B3GALT5: variants seen among roughly 807,000 people sequenced by gnomAD.
B3GALT5 encodes beta-1,3-galactosyltransferase 5.
For synonymous variants in B3GALT5, 156 were observed against 158.6 expected, an observed-to-expected ratio of 0.98 and a Z score of 0.12; for missense variants, 328 against 396.6, an observed-to-expected ratio of 0.83 and a Z score of 1.47.
At chr21:39,624,728 T>A (rs2079154845) in intron 1 of B3GALT5, among the ~76,000 whole-genome samples, 1 of 152,142 alleles carries the variant, frequency 6.6e-6, no homozygotes, top group South Asian at 2.1e-4. Flanking sequence ...TGAATTTGGA[T>A]TTTTCAGAAT....
chr21:39,656,915 G>T (rs2079450756), intron 2 of B3GALT5, among the ~76,000 whole-genome samples: 1 of 152,184 alleles, frequency 6.6e-6, no homozygotes, highest in Non-Finnish European at 1.5e-5. Context: ...ACAGTTCTCT[G>T]GGGTTTCAGG....
At chr21:39,656,144 A>C (rs959361026) in intron 2 of B3GALT5, among the ~76,000 whole-genome samples, 5 of 152,148 alleles carry the variant, frequency 3.3e-5, no homozygotes, top group Non-Finnish European at 7.3e-5. Context: ...CCTGGGTTTT[A>C]AACAAGCCTC....
intron 2 of B3GALT5, chr21:39,657,676 TCTATCTGTCTACCTAC>T: frequency 5.2e-6 from 2 of 386,926 alleles, no homozygotes; most frequent in Admixed American, 9.0e-5. Context: ...TGTCTATCTA[TCTATCTGTCTACCTAC>T]CGACTTACCT....
intron 1 of B3GALT5, among the ~76,000 whole-genome samples, chr21:39,617,250 C>T (rs888264495): frequency 6.6e-6 from 1 of 152,212 alleles, no homozygotes; most frequent in Non-Finnish European, 1.5e-5. Context: ...CCTACTGAAG[C>T]TCTTTTTGAT....
chr21:39,649,484 G>A (rs1028254903), intron 2 of B3GALT5, among the ~76,000 whole-genome samples: 2 of 152,246 alleles, frequency 1.3e-5, no homozygotes, highest in African/African-American at 2.4e-5. Flanking sequence ...AAAAGCCAGA[G>A]CTGGAGGTAG....
chr21:39,634,497 A>G (rs1425641471), intron 1 of B3GALT5, among the ~76,000 whole-genome samples: 2 of 151,450 alleles, frequency 1.3e-5, no homozygotes, highest in East Asian at 3.9e-4. Context: ...ACTCTGCCCA[A>G]TTCTTCCTTC....
rs2079608312 is a variant in B3GALT5 at position 39,669,471 on chromosome 21, G to A, written c.*7979G>A. On this transcript the variant is annotated 3_prime_UTR_variant, in exon 4 of 4. Coordinates refer to ENST00000684187, the MANE Select transcript of B3GALT5 (RefSeq NM_001356336.2). ...ACCGGGCATCCTGAATGAGGGTCAA[G>A]CTGAGGTTCGAGGCCGTGGGTTTTG... 4 of 152,194 alleles carry A rather than the reference G, an allele frequency of 2.6e-5. No homozygotes were observed. Among genetic ancestry groups the A allele is most frequent in the Admixed American group, 2.6e-4 (4 of 15,280 alleles). The allele number at this position is 152,194 out of a possible 1,614,324, so 9.4% of individuals were successfully genotyped here.
chr21:39,621,281 C>T (rs1244247538), intron 1 of B3GALT5, among the ~76,000 whole-genome samples: 4 of 152,064 alleles, frequency 2.6e-5, no homozygotes, highest in Non-Finnish European at 5.9e-5. Flanking sequence ...TTTGATGTAG[C>T]TTTTGAAATA....
At chr21:39,635,700 G>T (rs181730144) in intron 1 of B3GALT5, among the ~76,000 whole-genome samples, 3 of 152,130 alleles carry the variant, frequency 2.0e-5, no homozygotes, top group Admixed American at 2.0e-4. Flanking sequence ...GGCTGGTCTC[G>T]AACTCCTGAC....
chr21:39,649,338 T>A (rs551862758), intron 2 of B3GALT5, among the ~76,000 whole-genome samples: 10 of 152,138 alleles, frequency 6.6e-5, no homozygotes, highest in Non-Finnish European at 1.5e-4. Context: ...TTCTCAGCTT[T>A]CCCTCTGCAC....
intron 1 of B3GALT5, among the ~76,000 whole-genome samples, chr21:39,636,019 T>C (rs558124669): frequency 6.6e-6 from 1 of 152,344 alleles, no homozygotes; most frequent in South Asian, 2.1e-4. Context: ...CATTTTATGT[T>C]GTGGAACTGA....
At chr21:39,641,792 C>G (rs1430708219) in intron 1 of B3GALT5, among the ~76,000 whole-genome samples, 1 of 152,192 alleles carries the variant, frequency 6.6e-6, no homozygotes, top group Non-Finnish European at 1.5e-5. Context: ...TACATGCTCT[C>G]TTTCTCCTGG....
intron 1 of B3GALT5, among the ~76,000 whole-genome samples, chr21:39,645,774 G>A (rs1602283248): frequency 6.6e-6 from 1 of 152,146 alleles, no homozygotes; most frequent in Non-Finnish European, 1.5e-5. Flanking sequence ...CACACCCCAA[G>A]GGCAGGCAGT....
At chr21:39,643,445 G>A (rs567501522) in intron 1 of B3GALT5, among the ~76,000 whole-genome samples, 1 of 151,356 alleles carries the variant, frequency 6.6e-6, no homozygotes, top group South Asian at 2.1e-4. Flanking sequence ...AAAAAGAAAA[G>A]CAAAGCCTGT....
chr21:39,634,906 C>G (rs2079216076), intron 1 of B3GALT5, among the ~76,000 whole-genome samples: 1 of 152,090 alleles, frequency 6.6e-6, no homozygotes, highest in South Asian at 2.1e-4. Flanking sequence ...TAATGGCAGG[C>G]CAGAGGAAGC....
chr21:39,629,313 C>A (rs1187693279), intron 1 of B3GALT5, among the ~76,000 whole-genome samples: 2 of 152,206 alleles, frequency 1.3e-5, no homozygotes, highest in Non-Finnish European at 2.9e-5. Context: ...CCATGCCGAG[C>A]CTTAACATCT....
intron 1 of B3GALT5, among the ~76,000 whole-genome samples, chr21:39,625,362 G>A (rs1375604559): frequency 1.3e-5 from 2 of 152,196 alleles, no homozygotes; most frequent in Admixed American, 6.5e-5. Context: ...CGGTTGACCC[G>A]GCTGCAACCC....
rs2079643943 is a variant in B3GALT5, at chr21:39,672,965, T to C, written c.*11473T>C. 1 of 152,190 alleles carries C rather than the reference T, an allele frequency of 6.6e-6. No individual in the cohort carries two copies. Among genetic ancestry groups the C allele is most frequent in the South Asian group, 2.1e-4 (1 of 4,820 alleles). The allele number at this position is 152,190 out of a possible 1,614,324, so 9.4% of individuals were successfully genotyped here. On this transcript the variant is annotated 3_prime_UTR_variant, in exon 4 of 4. Transcript: ENST00000684187. ...ATGAGGCAGGCATCCTTTGGAGTTC[T>C]TCTCTCAGGTATATTTTAACTAAAA...
Position 39,652,086 on chromosome 21 carries a change from T to C in B3GALT5, c.-161+5464T>C, listed in dbSNP as rs144579295. Among the ~76,000 whole-genome samples the C allele has an allele frequency of 2.4e-4, 36 of 152,250 alleles. No individual in the cohort carries two copies. The East Asian group carries it at 7.0e-3, about 30-fold the overall frequency. The stretch of plus-strand genomic sequence containing the variant: ...TGAACCCTGTGAGGTCCAATTCTGT[T>C]CCTCCCCCTGGAGCTCCAAGAGAAG... On this transcript the variant is annotated intron_variant, in intron 2 of 3. Transcript: ENST00000684187.
Sources: gnomAD v4.1 joint callset for allele counts (sites outside exome capture counted in the v4.1 genomes callset) on GRCh38, gnomAD v4.1.1 for gene constraint, MANE v1.5 for transcripts, NCBI Gene and HGNC (gene_info 2026-07-23, HGNC 2026-07-21) for gene names.